PFKL: variants seen among roughly 807,000 people sequenced by gnomAD.
The protein encoded by PFKL is phosphofructokinase, liver type, also known as ATP-dependent 6-phosphofructokinase, liver type.
A neutral mutation model predicts 92.1 loss-of-function variants in PFKL; 74 were observed. The observed-to-expected ratio is 0.80, with a 90% CI of 0.67 to 0.97. The LOEUF is 0.97. Ranked by LOEUF, PFKL falls within the 50% of genes least tolerant of loss-of-function variation. PFKL has a pLI of 0.00. For missense variants in PFKL, 1,028 were observed against 1,116.6 expected (o/e 0.92, Z 1.13); for synonymous variants, 494 against 456.4 (o/e 1.08, Z -1.05).
In PFKL at chr21:44,319,764, G is replaced by T. The variant is rs1602042597; in HGVS notation, c.1128-320G>T. 1.7e-5 allele frequency: 9 copies of T among 521,302 alleles called. No homozygotes were observed. The East Asian group carries it at 2.9e-4, about 17-fold the overall frequency. The allele number at this position is 521,302 out of a possible 1,614,324, so 32.3% of individuals were successfully genotyped here. A position where few individuals can be genotyped will look rare whatever the true frequency, so the allele number is the denominator to read the frequency against. The stretch of plus-strand genomic sequence containing the variant: ...GTACCACCCCCCTGCAGGCGTCCTG[G>T]CGGCCGGGTCAGGCTGGATTGGACG... On this transcript the variant is annotated intron_variant, in intron 11 of 21. Coordinates refer to ENST00000349048, the MANE Select transcript of PFKL (RefSeq NM_002626.6).
chr21:44,308,498 G>A (rs1278681876), intron 2 of PFKL, among the ~76,000 whole-genome samples: 1 of 151,998 alleles, frequency 6.6e-6, no homozygotes, highest in Non-Finnish European at 1.5e-5. Flanking sequence ...CGAAGATGCT[G>A]ACCTGCCCTC....
At chr21:44,308,293 T>G (rs559975928) in intron 2 of PFKL, among the ~76,000 whole-genome samples, 2 of 152,310 alleles carry the variant, frequency 1.3e-5, no homozygotes, top group African/African-American at 4.8e-5. Context: ...TCCCTGAATC[T>G]GCTGCCTAGT....
chr21:44,304,557 C>T (rs1307173673), intron 1 of PFKL: 12 of 1,127,800 alleles, frequency 1.1e-5, no homozygotes, highest in African/African-American at 1.7e-5. Flanking sequence ...CCCTCACTGC[C>T]CCCAACTCCA....
At position 44,324,570 on chromosome 21, in the gene PFKL, G is replaced by T; in HGVS notation, c.1730G>T (p.Gly577Val). The T allele has an allele frequency of 3.1e-6, 5 of 1,613,258 alleles. No homozygotes were observed. Among genetic ancestry groups the T allele is most frequent in the Non-Finnish European group, 4.2e-6 (5 of 1,179,832 alleles). Reference sequence around the variant, plus strand: ...GTGGAGACCATGGGGGGTTACTGTGGCTACCTGGCCACCGTGACTGGCATT... The same window carrying T: ...GTGGAGACCATGGGGGGTTACTGTGTCTACCTGGCCACCGTGACTGGCATT... ...FIVETMGGYC[G>V]YLATVTGIAV... Residue 577 changes from glycine to valine, a missense_variant, in exon 17 of 22, where the codon GGC becomes GTC. Physicochemically the swap from Gly to Val is moderately radical, Grantham distance 109. Coordinates refer to ENST00000349048, the MANE Select transcript of PFKL (RefSeq NM_002626.6).
At chr21:44,316,743 G>A (rs1253172853) in intron 9 of PFKL, among the ~76,000 whole-genome samples, 1 of 151,830 alleles carries the variant, frequency 6.6e-6, no homozygotes. Context: ...GTGGCAGTGT[G>A]TGTGGGTGTG....
intron 1 of PFKL, chr21:44,305,195 A>T: frequency 1.7e-6 from 2 of 1,202,006 alleles, no homozygotes; most frequent in Middle Eastern, 2.7e-4. Flanking sequence ...TAGTGTGGGG[A>T]TGGTGGCAGA....
intron 2 of PFKL, among the ~76,000 whole-genome samples, chr21:44,309,622 G>T (rs2041057033): frequency 6.6e-6 from 1 of 152,206 alleles, no homozygotes; most frequent in African/African-American, 2.4e-5. Context: ...GGGCCTGGCT[G>T]GCGCCTGGGC....
intron 1 of PFKL, among the ~76,000 whole-genome samples, chr21:44,300,495 C>A (rs1051180227): frequency 4.6e-5 from 7 of 152,216 alleles, no homozygotes; most frequent in Non-Finnish European, 2.9e-5. Context: ...GTCCCCGAGG[C>A]CACGCGAGCG....
chr21:44,321,230 GTCACTGGAT>G (rs2047346386), intron 12 of PFKL: 2 of 152,598 alleles, frequency 1.3e-5, no homozygotes, highest in Admixed American at 6.5e-5. Context: ...GGTGGCGGCC[GTCACTGGAT>G]TCACATGGAT....
At chr21:44,313,881 G>T in intron 6 of PFKL, 32 bp from the exon 7 acceptor site, 1 of 1,515,654 alleles carries the variant, frequency 6.6e-7, no homozygotes, top group African/African-American at 1.4e-5. Context: ...GCTGGGTGGG[G>T]GTCCTGAGCA....
intron 1 of PFKL, chr21:44,305,367 G>C (rs770672858): frequency 1.5e-6 from 2 of 1,365,986 alleles, no homozygotes; most frequent in Non-Finnish European, 9.8e-7. Context: ...CTCTCGTGGG[G>C]GTCTCCATGT....
Position 44,326,077 on chromosome 21 carries a change from A to T in PFKL, c.2089+17A>T. 6.2e-7 allele frequency: 1 copy of T among 1,611,030 alleles called. No homozygotes were observed. The highest frequency in any genetic ancestry group is 8.5e-7 in the Non-Finnish European group (1 of 1,178,170). On this transcript the variant is annotated intron_variant, in intron 20 of 21. Coordinates refer to ENST00000349048, the MANE Select transcript of PFKL (RefSeq NM_002626.6). ...ACCGCAAGGGTAGGTGGTGGGTGCGACCCGAGGCCTCACTTTGCCCTCCCC... is the reference window on the plus strand; with the variant it reads ...ACCGCAAGGGTAGGTGGTGGGTGCGTCCCGAGGCCTCACTTTGCCCTCCCC...
At chr21:44,318,363 A>G in intron 9 of PFKL, 107 bp from the exon 10 acceptor site, 1 of 1,235,628 alleles carries the variant, frequency 8.1e-7, no homozygotes, top group Non-Finnish European at 1.1e-6. Flanking sequence ...AGCTTCCGTC[A>G]GCGTGGGGGG....
At chr21:44,324,003 T>C in intron 16 of PFKL, 85 bp downstream of exon 16, 1 of 1,515,190 alleles carries the variant, frequency 6.6e-7, no homozygotes, top group South Asian at 1.2e-5. Flanking sequence ...GAGGGGATAG[T>C]GTGTGGTGAG....
At chr21:44,301,692 G>T (rs970991261) in intron 1 of PFKL, among the ~76,000 whole-genome samples, 1 of 152,108 alleles carries the variant, frequency 6.6e-6, no homozygotes, top group African/African-American at 2.4e-5. Flanking sequence ...AGGTTGCTGT[G>T]GGGCCAGCCC....
At chr21:44,316,985 G>C (rs555768196) in intron 9 of PFKL, among the ~76,000 whole-genome samples, 1 of 152,358 alleles carries the variant, frequency 6.6e-6, no homozygotes, top group South Asian at 2.1e-4. Flanking sequence ...GGTGGGCAGA[G>C]GGTGGTGCCC....
rs1189606918 is a variant in PFKL, at chr21:44,313,975, C to T, written c.701C>T (p.Pro234Leu). The T allele has an allele frequency of 1.2e-6, 2 of 1,608,550 alleles. No individual in the cohort carries two copies. The highest frequency in any genetic ancestry group is 3.4e-5 in the Admixed American group (2 of 59,358). The change falls in exon 7 of 22, where the codon CCA (proline) becomes CTA (leucine). Residue 234 changes from proline to leucine, a missense_variant. Physicochemically the swap from Pro to Leu is moderately conservative, Grantham distance 98. Transcript: ENST00000349048. The part of the protein sequence containing the change: ...GADWLFIPEA[P>L]PEDGWENFMC... ...GACTGGCTGTTCATCCCCGAGGCTC[C>T]ACCCGAGGACGGCTGGGAGAACTTC...
chr21:44,324,700 C>T, intron 17 of PFKL, 45 bp downstream of exon 17: 1 of 1,561,774 alleles, frequency 6.4e-7, no homozygotes, highest in Non-Finnish European at 8.7e-7. Context: ...GCCGGCATGC[C>T]AGCCTGGGCC....
intron 19 of PFKL, 63 bp from the exon 20 acceptor site, chr21:44,325,898 G>C: frequency 8.1e-7 from 1 of 1,240,706 alleles, no homozygotes; most frequent in Non-Finnish European, 1.2e-6. Context: ...TGTCTGCACT[G>C]GCGTTGGCCT....
Sources: gnomAD v4.1 joint callset for allele counts (sites outside exome capture counted in the v4.1 genomes callset) on GRCh38, gnomAD v4.1.1 for gene constraint, MANE v1.5 for transcripts, NCBI Gene and HGNC (gene_info 2026-07-23, HGNC 2026-07-21) for gene names.